Variants in TMEM267 observed in about 807,000 individuals in gnomAD.
TMEM267 encodes the protein transmembrane protein 267, also known as transmembrane protein C5orf28.
Under a neutral mutation model 19.3 loss-of-function variants are expected in TMEM267, and 20 were observed. That is an observed-to-expected ratio of 1.04 (90% CI 0.73 to 1.51). TMEM267 has a LOEUF of 1.51. Ranked by LOEUF, TMEM267 falls within the 40% of genes most tolerant of loss-of-function variation. The pLI is 0.00. For missense variants in TMEM267, 242 were observed against 261.9 expected, an observed-to-expected ratio of 0.92 and a Z score of 0.52; for synonymous variants, 88 against 90.3, an observed-to-expected ratio of 0.97 and a Z score of 0.15.
intron 1 of TMEM267, among the ~76,000 whole-genome samples, chr5:43,458,727 T>G (rs549166771): frequency 6.6e-6 from 1 of 152,254 alleles, no homozygotes; most frequent in Admixed American, 6.5e-5. Flanking sequence ...ACTTCATTGA[T>G]TATAAAACAG....
At chr5:43,477,086 G>A (rs1456486876) in intron 1 of TMEM267, among the ~76,000 whole-genome samples, 1 of 151,304 alleles carries the variant, frequency 6.6e-6, no homozygotes, top group Non-Finnish European at 1.5e-5. Flanking sequence ...TTACTCAGGA[G>A]GCTAAGGTAG....
rs565477273 is a variant in TMEM267, at chr5:43,466,128, G to A, written c.-74-12085C>T. Among the ~76,000 whole-genome samples, 80 of 152,066 alleles carry A rather than the reference G, an allele frequency of 5.3e-4. 2 individuals carry two copies. The South Asian group carries it at 0.013, about 26-fold the overall frequency. On this transcript the variant is annotated intron_variant, in intron 1 of 2. Transcript: ENST00000397080. Reference sequence around the variant, plus strand: ...AGAGAACTTCTCAAACTTAGATATCGCTATCCAAGTACAAGAAGCTTGTAG... The same window carrying A: ...AGAGAACTTCTCAAACTTAGATATCACTATCCAAGTACAAGAAGCTTGTAG...
rs111227340 is a variant in TMEM267 at position 43,450,675 on chromosome 5, G to A, written c.312+2983C>T. 4.8e-3 allele frequency among the ~76,000 whole-genome samples: 726 copies of A among 152,226 alleles called. 6 individuals are homozygous for A. Among genetic ancestry groups the A allele is most frequent in the Middle Eastern group, 0.014 (4 of 294 alleles). On this transcript the variant is annotated intron_variant, in intron 2 of 2. Transcript: ENST00000397080. ...TCTATAGTTCATATTCTTAACAATA[G>A]TGCTTCTAAGTGAATTAAAGGATAA...
intron 1 of TMEM267, among the ~76,000 whole-genome samples, chr5:43,466,555 T>C (rs750713234): frequency 6.6e-6 from 1 of 152,082 alleles, no homozygotes. Flanking sequence ...TAAGAAATAA[T>C]TTGAAGGTAC....
chr5:43,466,727 G>C (rs1328427285), intron 1 of TMEM267, among the ~76,000 whole-genome samples: 1 of 151,978 alleles, frequency 6.6e-6, no homozygotes, highest in African/African-American at 2.4e-5. Context: ...GGTTGTAAGA[G>C]TATCTACAAA....
chr5:43,480,861 G>A (rs1744718628), intron 1 of TMEM267, among the ~76,000 whole-genome samples: 1 of 128,692 alleles, frequency 7.8e-6, no homozygotes, highest in African/African-American at 3.1e-5. Flanking sequence ...GGAGTGCAGT[G>A]GCGCGATCTC....
intron 2 of TMEM267, among the ~76,000 whole-genome samples, chr5:43,448,384 G>T (rs1742378605): frequency 6.6e-6 from 1 of 152,058 alleles, no homozygotes; most frequent in Non-Finnish European, 1.5e-5. Flanking sequence ...CCTTAACCAA[G>T]AATATGTTAG....
chr5:43,448,968 G>A (rs1032737387), intron 2 of TMEM267, among the ~76,000 whole-genome samples: 7 of 149,518 alleles, frequency 4.7e-5, no homozygotes, highest in African/African-American at 1.5e-4. Context: ...TTCAAAAATG[G>A]AAAAAAAATA....
At chr5:43,458,523 G>C (rs1436909989) in intron 1 of TMEM267, among the ~76,000 whole-genome samples, 2 of 152,176 alleles carry the variant, frequency 1.3e-5, no homozygotes, top group African/African-American at 4.8e-5. Flanking sequence ...AGTAGAGGCA[G>C]GAATGATTAA....
intron 1 of TMEM267, among the ~76,000 whole-genome samples, chr5:43,458,362 A>G (rs1213102315): frequency 6.6e-6 from 1 of 152,192 alleles, no homozygotes; most frequent in East Asian, 1.9e-4. Context: ...TCAGCCTCCC[A>G]AAGTGCTGGG....
chr5:43,467,980 G>A (rs546231458), intron 1 of TMEM267, among the ~76,000 whole-genome samples: 1 of 152,166 alleles, frequency 6.6e-6, no homozygotes, highest in Non-Finnish European at 1.5e-5. Flanking sequence ...TGTTGTACCT[G>A]AGCGAGTTAG....
chr5:43,470,414 C>A (rs1384617613), intron 1 of TMEM267, among the ~76,000 whole-genome samples: 2 of 152,166 alleles, frequency 1.3e-5, no homozygotes, highest in Non-Finnish European at 2.9e-5. Context: ...AGTGCTGGTA[C>A]TACAGGTGTG....
intron 1 of TMEM267, among the ~76,000 whole-genome samples, chr5:43,477,118 T>A (rs1352726132): frequency 6.6e-6 from 1 of 151,410 alleles, no homozygotes; most frequent in African/African-American, 2.4e-5. Flanking sequence ...GCGTCTAGGA[T>A]TTTGAAGCTG....
At chr5:43,477,750 G>A (rs1294854680) in intron 1 of TMEM267, among the ~76,000 whole-genome samples, 1 of 152,170 alleles carries the variant, frequency 6.6e-6, no homozygotes, top group African/African-American at 2.4e-5. Flanking sequence ...AAAGATTCTT[G>A]GCAGTATTTG....
At chr5:43,479,198 T>C (rs552812104) in intron 1 of TMEM267, among the ~76,000 whole-genome samples, 1 of 152,096 alleles carries the variant, frequency 6.6e-6, no homozygotes, top group East Asian at 1.9e-4. Context: ...GTTCATTAAG[T>C]ATTCAAATTT....
chr5:43,454,135 A>G (rs747510356), intron 1 of TMEM267, 92 bp from the exon 2 acceptor site: 3 of 904,112 alleles, frequency 3.3e-6, no homozygotes, highest in Non-Finnish European at 3.2e-6. Flanking sequence ...TTTCACAAAC[A>G]TAAAACCAAG....
chr5:43,476,893 A>T (rs533074688), intron 1 of TMEM267, among the ~76,000 whole-genome samples: 85 of 151,880 alleles, frequency 5.6e-4, no homozygotes, highest in African/African-American at 1.4e-3. Flanking sequence ...AAAAAAAAAA[A>T]ATATTAAAAT....
intron 1 of TMEM267, among the ~76,000 whole-genome samples, chr5:43,473,443 G>C (rs1744209938): frequency 6.6e-6 from 1 of 152,172 alleles, no homozygotes; most frequent in African/African-American, 2.4e-5. Flanking sequence ...AAAATCACAA[G>C]CATTCCTATA....
chr5:43,466,224 G>A (rs988089919), intron 1 of TMEM267, among the ~76,000 whole-genome samples: 4 of 151,992 alleles, frequency 2.6e-5, no homozygotes, highest in Admixed American at 2.6e-4. Flanking sequence ...AAAGGTCAAG[G>A]ATAAAGTAAC....
Sources: gnomAD v4.1 joint callset for allele counts (sites outside exome capture counted in the v4.1 genomes callset) on GRCh38, gnomAD v4.1.1 for gene constraint, MANE v1.5 for transcripts, NCBI Gene and HGNC (gene_info 2026-07-23, HGNC 2026-07-21) for gene names.